Variants in ATP6V0E1 observed in about 807,000 individuals in gnomAD.
ATP6V0E1 encodes V-type proton ATPase subunit e 1.
ATP6V0E1 carries 4 observed loss-of-function variants against 11.6 expected under a neutral mutation model. The ratio of observed to expected loss-of-function variants is 0.35; its 90% CI spans 0.17 to 0.79. The LOEUF (loss-of-function observed/expected upper bound fraction) is 0.79, where lower values mean the gene tolerates loss of function less well. Among genes scored for constraint, ATP6V0E1 ranks in the 30% least tolerant of loss-of-function variants. The pLI, the probability that ATP6V0E1 is intolerant of heterozygous loss-of-function variation, is 0.54. For missense variants in ATP6V0E1, 105 were observed against 100.0 expected, an observed-to-expected ratio of 1.05 and a Z score of -0.21; for synonymous variants, 36 against 34.8, an observed-to-expected ratio of 1.04 and a Z score of -0.13.
chr5:173,020,901 G>A (rs907710119), intron 3 of ATP6V0E1: 2 of 519,840 alleles, frequency 3.8e-6, no homozygotes, highest in African/African-American at 3.8e-5. Context: ...CACTTTGGCT[G>A]CTTAGTTCTA....
intron 3 of ATP6V0E1, among the ~76,000 whole-genome samples, chr5:173,028,900 G>T (rs1756601211): frequency 6.6e-6 from 1 of 152,168 alleles, no homozygotes; most frequent in African/African-American, 2.4e-5. Context: ...GGGGTGTGCT[G>T]CTACCATGGA....
intron 1 of ATP6V0E1, among the ~76,000 whole-genome samples, chr5:172,988,249 A>G (rs1264833714): frequency 1.3e-5 from 2 of 152,172 alleles, no homozygotes; most frequent in Non-Finnish European, 2.9e-5. Flanking sequence ...TTATGTGGCA[A>G]TTGTCAAGTG....
intron 3 of ATP6V0E1, among the ~76,000 whole-genome samples, chr5:173,028,843 T>C (rs1189403899): frequency 6.6e-6 from 1 of 152,228 alleles, no homozygotes; most frequent in African/African-American, 2.4e-5. Flanking sequence ...GGGACTCTAA[T>C]GTCAAGGTTG....
chr5:172,988,599 G>A (rs184285434), intron 1 of ATP6V0E1, among the ~76,000 whole-genome samples: 7 of 152,246 alleles, frequency 4.6e-5, no homozygotes, highest in Non-Finnish European at 7.4e-5. Context: ...CATTAAAGCC[G>A]AATTAGTACT....
intron 2 of ATP6V0E1, among the ~76,000 whole-genome samples, chr5:173,006,053 T>A (rs1326291214): frequency 6.6e-6 from 1 of 152,174 alleles, no homozygotes; most frequent in Admixed American, 6.5e-5. Context: ...TTGAAAAGAA[T>A]CTATATTCTG....
Position 173,014,642 on chromosome 5 carries a change from T to G in ATP6V0E1, c.153-5596T>G, listed in dbSNP as rs150681849. 7.1e-3 allele frequency among the ~76,000 whole-genome samples: 1,074 copies of G among 152,298 alleles called. 4 individuals carry two copies. Among genetic ancestry groups the G allele is most frequent in the Non-Finnish European group, 0.012 (813 of 68,026 alleles). On this transcript the variant is annotated intron_variant, in intron 2 of 3. Coordinates refer to ENST00000519374, the MANE Select transcript of ATP6V0E1 (RefSeq NM_003945.4). ...GTGCAGAAAGACAAATATCACATGT[T>G]CTCACTTATATGTGGGAGCTAAAAA...
chr5:173,011,763 G>A (rs1756329325), intron 2 of ATP6V0E1, among the ~76,000 whole-genome samples: 2 of 152,132 alleles, frequency 1.3e-5, no homozygotes, highest in African/African-American at 2.4e-5. Context: ...ATGAAGACAT[G>A]CGGTACAGTT....
At chr5:173,008,455 A>G (rs1756262660) in intron 2 of ATP6V0E1, among the ~76,000 whole-genome samples, 1 of 150,334 alleles carries the variant, frequency 6.7e-6, no homozygotes, top group Admixed American at 6.6e-5. Flanking sequence ...TGCGTGCCAC[A>G]CTGCCCAGCT....
chr5:173,027,529 T>G (rs1756582928), intron 3 of ATP6V0E1, among the ~76,000 whole-genome samples: 1 of 151,898 alleles, frequency 6.6e-6, no homozygotes, highest in Admixed American at 6.6e-5. Context: ...TATGAGTTTC[T>G]GTTTTGCCAC....
rs114728530 is a variant in ATP6V0E1 at position 173,016,674 on chromosome 5, C to T, written c.153-3564C>T. 7.1e-3 allele frequency among the ~76,000 whole-genome samples: 1,083 copies of T among 152,252 alleles called. 7 individuals carry two copies. Among genetic ancestry groups the T allele is most frequent in the South Asian group, 0.031 (149 of 4,820 alleles). On this transcript the variant is annotated intron_variant, in intron 2 of 3. Transcript: ENST00000519374. ...TTTTCAGGCAGCTTGTATTGCCTGCCGGGATTGGGGAAGTCCTTGGTTAGT... is the reference window on the plus strand; with the variant it reads ...TTTTCAGGCAGCTTGTATTGCCTGCTGGGATTGGGGAAGTCCTTGGTTAGT...
chr5:172,993,763 C>T (rs1036170815), intron 1 of ATP6V0E1, among the ~76,000 whole-genome samples: 18 of 145,278 alleles, frequency 1.2e-4, no homozygotes, highest in Non-Finnish European at 1.9e-4. Context: ...CCTAGCTGCT[C>T]AGGAAGCTGA....
chr5:173,022,879 A>G (rs1219421809), intron 3 of ATP6V0E1, among the ~76,000 whole-genome samples: 2 of 151,986 alleles, frequency 1.3e-5, no homozygotes, highest in Non-Finnish European at 2.9e-5. Context: ...TTTATTTTTT[A>G]TAGAGAGAGA....
At position 172,994,861 on chromosome 5, in the gene ATP6V0E1, G is replaced by T. The variant is rs200726685; in HGVS notation, c.152+39G>T. ...TCTTAAGTAATTATTCTTGGTATTT[G>T]TAGTGTGTGCGATTTACACATTTGT... On this transcript the variant is annotated intron_variant, in intron 2 of 3. Coordinates refer to ENST00000519374, the MANE Select transcript of ATP6V0E1 (RefSeq NM_003945.4). The T allele has an allele frequency of 5.4e-5, 81 of 1,496,354 alleles. No individual in the cohort carries two copies. In the East Asian group the frequency reaches 1.3e-3, roughly 23 times the overall value. 92.7% of individuals were successfully genotyped at this position (1,496,354 alleles called of 1,614,324 possible).
At position 173,003,882 on chromosome 5, in the gene ATP6V0E1, A is replaced by G. The variant is rs1272381555; in HGVS notation, c.152+9060A>G. Reference sequence around the variant, plus strand: ...GAGATTTGAGGCCATGAGAACACATAGAATTACCTAAGGCAGTGGTTCTTT... The same window carrying G: ...GAGATTTGAGGCCATGAGAACACATGGAATTACCTAAGGCAGTGGTTCTTT... On this transcript the variant is annotated intron_variant, in intron 2 of 3. Coordinates refer to ENST00000519374, the MANE Select transcript of ATP6V0E1 (RefSeq NM_003945.4). 2.0e-5 allele frequency among the ~76,000 whole-genome samples: 3 copies of G among 152,320 alleles called. No homozygotes were observed. In the East Asian group the frequency reaches 5.8e-4, roughly 29 times the overall value.
intron 3 of ATP6V0E1, among the ~76,000 whole-genome samples, chr5:173,031,838 A>AT (rs1210550407): frequency 6.9e-6 from 1 of 145,630 alleles, no homozygotes; most frequent in African/African-American, 2.6e-5. Context: ...AAAAAAAAAA[A>AT]GCTTCCTTAA....
At chr5:173,003,749 T>A (rs1756190850) in intron 2 of ATP6V0E1, among the ~76,000 whole-genome samples, 2 of 152,230 alleles carry the variant, frequency 1.3e-5, no homozygotes, top group South Asian at 4.1e-4. Flanking sequence ...TGATCCTGAC[T>A]TGGGACAGGA....
intron 2 of ATP6V0E1, among the ~76,000 whole-genome samples, chr5:173,009,241 AAAAT>A (rs994938454): frequency 1.7e-4 from 26 of 152,090 alleles, no homozygotes; most frequent in Admixed American, 1.4e-3. Flanking sequence ...ACAAATTAAA[AAAAT>A]AAATAAATAA....
intron 1 of ATP6V0E1, among the ~76,000 whole-genome samples, chr5:172,986,277 AC>A (rs1300957782): frequency 6.6e-6 from 1 of 152,268 alleles, no homozygotes; most frequent in Non-Finnish European, 1.5e-5. Context: ...GCTTCCTGTA[AC>A]TTTTTTACTT....
At chr5:173,001,924 G>A (rs774843886) in intron 2 of ATP6V0E1, among the ~76,000 whole-genome samples, 1 of 152,090 alleles carries the variant, frequency 6.6e-6, no homozygotes, top group African/African-American at 2.4e-5. Context: ...CTCCATGTTG[G>A]TCAGGCTAGT....
Sources: gnomAD v4.1 joint callset for allele counts (sites outside exome capture counted in the v4.1 genomes callset) on GRCh38, gnomAD v4.1.1 for gene constraint, MANE v1.5 for transcripts, NCBI Gene and HGNC (gene_info 2026-07-23, HGNC 2026-07-21) for gene names.